The following ECE2 variants were observed in gnomAD, a reference collection of about 807,000 sequenced individuals.
ECE2 encodes endothelin converting enzyme 2.
ECE2 carries 81 observed loss-of-function variants against 100.6 expected under a neutral mutation model. The ratio of observed to expected loss-of-function variants is 0.81; its 90% confidence interval spans 0.67 to 0.97. ECE2 has a LOEUF of 0.97. Among genes scored for constraint, ECE2 ranks in the 50% least tolerant of loss-of-function variants. The pLI is 0.00. For synonymous variants in ECE2, 391 were observed against 391.5 expected, an observed-to-expected ratio of 1.00 and a Z score of 0.02; for missense variants, 911 against 988.1, an observed-to-expected ratio of 0.92 and a Z score of 1.05.
At chr3:184,276,294 A>G in intron 1 of ECE2, 102 bp downstream of exon 1, 1 of 1,404,010 alleles carries the variant, frequency 7.1e-7, no homozygotes, top group South Asian at 1.4e-5. Flanking sequence ...TCGCGGAGGT[A>G]AGGCTGCCTC....
chr3:184,284,529 C>T (rs574583999), intron 8 of ECE2, among the ~76,000 whole-genome samples: 6 of 132,860 alleles, frequency 4.5e-5, no homozygotes, highest in African/African-American at 1.2e-4. Context: ...GTGACAAGAG[C>T]GAAACTCCAT....
At position 184,287,917 on chromosome 3, in the gene ECE2, G is replaced by A; in HGVS notation, c.1344G>A (p.Lys448=). The A allele has an allele frequency of 6.2e-7, 1 of 1,614,164 alleles. No individual in the cohort carries two copies. Among genetic ancestry groups the A allele is most frequent in the Non-Finnish European group, 8.5e-7 (1 of 1,180,016 alleles). ...TTGCTTTGGGGTCCCTCTTCGTGAA[G>A]GCCACGTTTGACCGGCAAAGCAAAG... ...LGFALGSLFV[K]ATFDRQSKEI... Residue 448 remains lysine, a synonymous_variant, in exon 11 of 19, where the codon AAG becomes AAA. Coordinates refer to ENST00000404464, the MANE Select transcript of ECE2 (RefSeq NM_001100121.2).
rs1198128872 is a variant in ECE2 at position 184,290,678 on chromosome 3, A to G, written c.1766+11A>G. 1.9e-6 allele frequency: 3 copies of G among 1,613,732 alleles called. No individual in the cohort carries two copies. The South Asian group carries it at 3.3e-5, about 18-fold the overall frequency. On this transcript the variant is annotated intron_variant, in intron 15 of 18. Transcript: ENST00000404464. ...CCGCAACCACCCCAAGTGTGTCTGAAGCAGGAGGGGCTGGGTGCTGGGGCC... is the reference window on the plus strand; with the variant it reads ...CCGCAACCACCCCAAGTGTGTCTGAGGCAGGAGGGGCTGGGTGCTGGGGCC...
At chr3:184,290,763 T>A (rs1259290222) in intron 15 of ECE2, 30 bp from the exon 16 acceptor site, 1 of 1,613,908 alleles carries the variant, frequency 6.2e-7, no homozygotes, top group East Asian at 2.2e-5. Context: ...ACCCCCGCCA[T>A]GTCCTCACTT....
Position 184,289,241 on chromosome 3 carries a change from A to G in ECE2, c.1375-196A>G, listed in dbSNP as rs548564547. Among the ~76,000 whole-genome samples the G allele has an allele frequency of 6.6e-6, 1 of 152,286 alleles. No homozygotes were observed. The highest frequency in any genetic ancestry group is 2.1e-4 in the South Asian group (1 of 4,816). On this transcript the variant is annotated intron_variant, in intron 11 of 18. Coordinates refer to ENST00000404464, the MANE Select transcript of ECE2 (RefSeq NM_001100121.2). The surrounding 1 kb of genome is among the most constrained non-coding windows in gnomAD (Gnocchi z 4.1). ...CAATTAAAATGTGTACTTAATTAAG[A>G]AAAAAGCCAGCCACAATCCCAGTAC...
At chr3:184,288,804 C>T (rs1268327958) in intron 11 of ECE2, among the ~76,000 whole-genome samples, 1 of 152,144 alleles carries the variant, frequency 6.6e-6, no homozygotes, top group African/African-American at 2.4e-5. Context: ...CTGGTCTGTT[C>T]TTCAATTCTC....
chr3:184,285,422 A>T, intron 9 of ECE2, 56 bp from the exon 10 acceptor site: 1 of 1,320,198 alleles, frequency 7.6e-7, no homozygotes, highest in African/African-American at 1.4e-5. Context: ...GGCTGGTTTG[A>T]GGGGTGTGAA....
intron 7 of ECE2, among the ~76,000 whole-genome samples, chr3:184,282,095 T>A (rs1385777751): frequency 6.6e-6 from 1 of 152,118 alleles, no homozygotes; most frequent in African/African-American, 2.4e-5. Flanking sequence ...GGAGACGCCA[T>A]CTCAAACAAA....
Position 184,285,597 on chromosome 3 carries a change from G to A in ECE2, c.1263+5G>A, listed in dbSNP as rs1288203387. 1 of 1,608,214 alleles carries A rather than the reference G, an allele frequency of 6.2e-7. No homozygotes were observed. The highest frequency in any genetic ancestry group is 1.7e-5 in the Admixed American group (1 of 59,994). On this transcript the variant is annotated splice_donor_5th_base_variant and intron_variant, in intron 10 of 18. Transcript: ENST00000404464. ...ACCCTCTATGGCACTAAGAAGGTGGGCTTTCTGATTTTGCCTCCACGTTCT... is the reference window on the plus strand; with the variant it reads ...ACCCTCTATGGCACTAAGAAGGTGGACTTTCTGATTTTGCCTCCACGTTCT...
intron 9 of ECE2, among the ~76,000 whole-genome samples, 178 bp from the exon 10 acceptor site, chr3:184,285,300 G>T (rs1326195318): frequency 6.6e-6 from 1 of 152,140 alleles, no homozygotes; most frequent in Non-Finnish European, 1.5e-5. Flanking sequence ...TCCCCCCACT[G>T]CTCTCCAACC....
Position 184,289,688 on chromosome 3 carries a change from G to C in ECE2, c.1521G>C (p.Glu507Asp). Residue 507 changes from glutamate to aspartate, a missense_variant, in exon 13 of 19, where the codon GAG (glutamate) becomes GAC (aspartate). Glu to Asp is a conservative substitution (Grantham distance 45). Coordinates refer to ENST00000404464, the MANE Select transcript of ECE2 (RefSeq NM_001100121.2). The surrounding 1 kb of genome is among the most constrained non-coding windows in gnomAD (Gnocchi z 4.1). Reference protein sequence around the residue: ...DMIGFPDFILEPKELDDVYDG... With the variant: ...DMIGFPDFILDPKELDDVYDG... ...TTGGTTTCCCAGACTTTATCCTGGA[G>C]CCCAAAGAGCTGGATGATGTTTATG... The C allele has an allele frequency of 6.2e-7, 1 of 1,613,556 alleles. No homozygotes were observed. Among genetic ancestry groups the C allele is most frequent in the Non-Finnish European group, 8.5e-7 (1 of 1,179,804 alleles).
intron 8 of ECE2, among the ~76,000 whole-genome samples, chr3:184,284,738 C>T (rs1355951082): frequency 6.6e-6 from 1 of 152,118 alleles, no homozygotes; most frequent in Non-Finnish European, 1.5e-5. Flanking sequence ...ATCTAGGCCC[C>T]AGCTGAATGT....
intron 4 of ECE2, among the ~76,000 whole-genome samples, chr3:184,277,690 G>T (rs1170848905): frequency 6.6e-6 from 1 of 150,662 alleles, no homozygotes; most frequent in African/African-American, 2.5e-5. Flanking sequence ...TCTGCACTCT[G>T]TTTGGAGCAC....
intron 4 of ECE2, 147 bp from the exon 5 acceptor site, chr3:184,277,778 A>C: frequency 7.6e-7 from 1 of 1,314,248 alleles, no homozygotes; most frequent in South Asian, 1.4e-5. Flanking sequence ...AGAGGAAGCC[A>C]CGGCTTGCTG....
In ECE2 at chr3:184,290,196, G is replaced by A. The variant is rs535914571; in HGVS notation, c.1552-59G>A. On this transcript the variant is annotated intron_variant, in intron 13 of 18. Transcript: ENST00000404464. ...GATACTAATGAGTAGCCAAACTGGC[G>A]CTATTATCTTCTCCAATGGATTCTC... The A allele has an allele frequency of 4.7e-5, 65 of 1,391,998 alleles. No homozygotes were observed. In the East Asian group the frequency reaches 9.8e-4, roughly 21 times the overall value. The allele number at this position is 1,391,998 out of a possible 1,614,324, so 86.2% of individuals were successfully genotyped here.
intron 7 of ECE2, among the ~76,000 whole-genome samples, chr3:184,279,842 T>C (rs933887766): frequency 2.0e-5 from 3 of 152,044 alleles, no homozygotes; most frequent in African/African-American, 4.8e-5. Flanking sequence ...CGGAGAGCCA[T>C]TGCATGCTCC....
At chr3:184,285,751 A>G (rs750439922) in intron 10 of ECE2, among the ~76,000 whole-genome samples, 159 bp downstream of exon 10, 1 of 151,884 alleles carries the variant, frequency 6.6e-6, no homozygotes, top group African/African-American at 2.4e-5. Flanking sequence ...CAACTCATTC[A>G]TTTTCTAGCC....
chr3:184,287,849 A>T lies in ECE2; in HGVS notation c.1276A>T (p.Arg426Trp), dbSNP rs1299746598. 1 of 1,613,988 alleles carries T rather than the reference A, an allele frequency of 6.2e-7. No individual in the cohort carries two copies. Among genetic ancestry groups the T allele is most frequent in the African/African-American group, 1.3e-5 (1 of 74,914 alleles). ...LYGTKKSCVP[R>W]WQTCISNTDD... is the part of the protein sequence containing the mutation. ...TGTCCTTTAACAGTCCTGTGTGCCG[A>T]GGTGGCAGACCTGCATCTCCAACAC... is the stretch of plus-strand genomic sequence containing the variant. The change falls in exon 11 of 19, where the codon AGG becomes TGG. Residue 426 changes from arginine to tryptophan, a missense_variant. By Grantham distance (101) the Arg-to-Trp change is moderately radical (BLOSUM62 -3). Transcript: ENST00000404464.
At position 184,291,425 on chromosome 3, in the gene ECE2, G is replaced by A. The variant is rs541647645; in HGVS notation, c.2107G>A (p.Val703Met). ...VGLTNHQLFFVGFAQVWCSVR... is the reference protein window; with the variant it reads ...VGLTNHQLFFMGFAQVWCSVR... ...GCTCACCAACCACCAGCTCTTCTTCGTGGGATTTGCCCAGGTATCACCCTC... is the reference window on the plus strand; with the variant it reads ...GCTCACCAACCACCAGCTCTTCTTCATGGGATTTGCCCAGGTATCACCCTC... The change falls in exon 18 of 19, where the codon GTG (valine) becomes ATG (methionine). Residue 703 changes from valine to methionine, a missense_variant. Transcript: ENST00000404464. The surrounding 1 kb of genome is among the most constrained non-coding windows in gnomAD (Gnocchi z 4.1). The A allele has an allele frequency of 7.5e-6, 12 of 1,594,640 alleles. No homozygotes were observed. The highest frequency in any genetic ancestry group is 6.9e-5 in the South Asian group (6 of 87,222).
Sources: gnomAD v4.1 joint callset for allele counts (sites outside exome capture counted in the v4.1 genomes callset) on GRCh38, gnomAD v4.1.1 for gene constraint, Gnocchi (gnomAD v3.1) non-coding constraint, MANE v1.5 for transcripts, NCBI Gene and HGNC (gene_info 2026-07-23, HGNC 2026-07-21) for gene names.